The following VPS37A variants were observed in gnomAD, a reference collection of about 807,000 sequenced individuals.
VPS37A encodes vacuolar protein sorting-associated protein 37A.
VPS37A carries 30 observed loss-of-function variants against 49.8 expected under a neutral mutation model. The ratio of observed to expected loss-of-function variants is 0.60; its 90% CI spans 0.45 to 0.82. The LOEUF (loss-of-function observed/expected upper bound fraction) is 0.82, where lower values mean the gene tolerates loss of function less well. Among genes scored for constraint, VPS37A ranks in the 40% least tolerant of loss-of-function variants. VPS37A has a pLI of 0.00. For synonymous variants in VPS37A, 195 were observed against 160.6 expected (o/e 1.21, Z -1.62); for missense variants, 593 against 464.4 (o/e 1.28, Z -2.55).
chr8:17,294,507 G>T (rs1050481127), intron 11 of VPS37A, among the ~76,000 whole-genome samples: 2 of 152,162 alleles, frequency 1.3e-5, no homozygotes, highest in African/African-American at 4.8e-5. Flanking sequence ...AAAAATTCCT[G>T]CAGCTAGCTC....
At chr8:17,259,110 A>G (rs1359048980) in intron 1 of VPS37A, among the ~76,000 whole-genome samples, 1 of 151,830 alleles carries the variant, frequency 6.6e-6, no homozygotes, top group Non-Finnish European at 1.5e-5. Flanking sequence ...TCTGATATTT[A>G]TATTTTTTCT....
chr8:17,306,445 G>A (rs1000361473), downstream of VPS37A, among the ~76,000 whole-genome samples: 8 of 151,662 alleles, frequency 5.3e-5, no homozygotes, highest in African/African-American at 1.2e-4. Flanking sequence ...TTCCTAAAGC[G>A]GTTAAAGCTT....
chr8:17,303,896 AG>A (rs1410654700), downstream of VPS37A, among the ~76,000 whole-genome samples: 1 of 152,188 alleles, frequency 6.6e-6, no homozygotes, highest in Non-Finnish European at 1.5e-5. Context: ...AATTTCCACA[AG>A]GGAAGTACTT....
At chr8:17,294,283 A>C (rs1816414096) in intron 11 of VPS37A, among the ~76,000 whole-genome samples, 1 of 152,070 alleles carries the variant, frequency 6.6e-6, no homozygotes, top group African/African-American at 2.4e-5. Context: ...AAACCTCATT[A>C]ATGGTGGACG....
intron 1 of VPS37A, among the ~76,000 whole-genome samples, chr8:17,263,127 A>G (rs1426261158): frequency 6.6e-6 from 1 of 152,090 alleles, no homozygotes. Context: ...CAATTGAGTG[A>G]GAAAAGAGTA....
intron 1 of VPS37A, among the ~76,000 whole-genome samples, chr8:17,256,941 A>G (rs755666503): frequency 6.6e-6 from 1 of 152,066 alleles, no homozygotes; most frequent in East Asian, 1.9e-4. Context: ...ATGTAATCCC[A>G]TTTATCTGTT....
rs1190986668 is a variant in VPS37A at position 17,295,547 on chromosome 8, A to G, written c.*561A>G. On this transcript the variant is annotated 3_prime_UTR_variant, in exon 12 of 12. Coordinates refer to ENST00000324849, the MANE Select transcript of VPS37A (RefSeq NM_152415.3). ...AACTTTTAATACCTACAATAAATCAAAAGAATAAACCAGCTGTTCTTATAT... is the reference window on the plus strand; with the variant it reads ...AACTTTTAATACCTACAATAAATCAGAAGAATAAACCAGCTGTTCTTATAT... 1 of 152,624 alleles carries G rather than the reference A, an allele frequency of 6.6e-6. No individual in the cohort carries two copies. Among genetic ancestry groups the G allele is most frequent in the Non-Finnish European group, 1.5e-5 (1 of 68,018 alleles). The allele number at this position is 152,624 out of a possible 1,614,324, so 9.5% of individuals were successfully genotyped here. A position where few individuals can be genotyped will look rare whatever the true frequency, so the allele number is the denominator to read the frequency against.
the VPS37A span, among the ~76,000 whole-genome samples, chr8:17,307,951 T>C: frequency 2.6e-5 from 4 of 151,946 alleles, no homozygotes; most frequent in Non-Finnish European, 5.9e-5. Flanking sequence ...GACGAGTTAA[T>C]GGGTGCAGCA....
the VPS37A span, among the ~76,000 whole-genome samples, chr8:17,321,956 G>A: frequency 3.0e-3 from 457 of 152,312 alleles, 2 homozygotes; most frequent in African/African-American, 0.01. Flanking sequence ...ATCTGCCTTA[G>A]GTATTTCCTA....
chr8:17,315,118 A>G, the VPS37A span, among the ~76,000 whole-genome samples: 1 of 152,206 alleles, frequency 6.6e-6, no homozygotes, highest in African/African-American at 2.4e-5. Flanking sequence ...AAACATATGA[A>G]GTTTAAAATG....
intron 1 of VPS37A, among the ~76,000 whole-genome samples, chr8:17,252,887 T>C (rs1451664207): frequency 2.6e-5 from 4 of 152,246 alleles, no homozygotes; most frequent in Non-Finnish European, 5.9e-5. Context: ...ACATTTTGAC[T>C]GTGTAAATGC....
the VPS37A span, among the ~76,000 whole-genome samples, chr8:17,327,637 C>G: frequency 8.3e-6 from 1 of 120,082 alleles, no homozygotes; most frequent in African/African-American, 5.7e-5. Context: ...AGGAAGAAAC[C>G]TGGTAAAAAA....
intron 1 of VPS37A, among the ~76,000 whole-genome samples, chr8:17,253,892 A>C (rs975251875): frequency 1.3e-5 from 2 of 152,210 alleles, no homozygotes; most frequent in African/African-American, 4.8e-5. Context: ...TATAGTATGA[A>C]GGATTTTCCA....
the VPS37A span, among the ~76,000 whole-genome samples, chr8:17,322,317 A>C: frequency 6.6e-6 from 1 of 152,230 alleles, no homozygotes; most frequent in Non-Finnish European, 1.5e-5. Flanking sequence ...GCTCATCACC[A>C]TGTGTTCCAG....
chr8:17,312,627 A>G, the VPS37A span, among the ~76,000 whole-genome samples: 2 of 151,694 alleles, frequency 1.3e-5, no homozygotes, highest in African/African-American at 4.9e-5. Flanking sequence ...AGCAGAATAT[A>G]AGCTCTGTGA....
chr8:17,300,374 C>G (rs1006258167), downstream of VPS37A: 1 of 794,306 alleles, frequency 1.3e-6, no homozygotes, highest in South Asian at 2.0e-5. Flanking sequence ...CTGGACTTCA[C>G]GACCTTGGAC....
At chr8:17,274,665 A>G (rs1488838514) in intron 4 of VPS37A, 68 bp from the exon 5 acceptor site, 1 of 1,327,188 alleles carries the variant, frequency 7.5e-7, no homozygotes, top group South Asian at 1.3e-5. Flanking sequence ...ATTTAGAACA[A>G]TTTAGAAACA....
chr8:17,286,485 A>G, intron 11 of VPS37A, 58 bp downstream of exon 11: 1 of 1,484,974 alleles, frequency 6.7e-7, no homozygotes, highest in Non-Finnish European at 9.3e-7. Context: ...CTTTAAATAG[A>G]CATGTTGTTA....
chr8:17,262,577 G>A lies in VPS37A; in HGVS notation c.126-3330G>A, dbSNP rs1418598691. On this transcript the variant is annotated intron_variant, in intron 1 of 11. Coordinates refer to ENST00000324849, the MANE Select transcript of VPS37A (RefSeq NM_152415.3). ...ATTAAAATATTACTTTAAAGTATGT[G>A]TGTGTGTGTGTGTGTGTGTGTGTAT... Among the ~76,000 whole-genome samples, 5 of 151,192 alleles carry A rather than the reference G, an allele frequency of 3.3e-5. No homozygotes were observed. In the East Asian group the frequency reaches 5.8e-4, roughly 18 times the overall value.
Sources: gnomAD v4.1 joint callset for allele counts (sites outside exome capture counted in the v4.1 genomes callset) on GRCh38, gnomAD v4.1.1 for gene constraint, MANE v1.5 for transcripts, NCBI Gene and HGNC (gene_info 2026-07-23, HGNC 2026-07-21) for gene names.